The following XRN1 variants were observed in gnomAD, a reference collection of about 807,000 sequenced individuals.
The protein encoded by XRN1 is strand-exchange protein 1 homolog.
In XRN1, 67 loss-of-function variants were observed where a neutral mutation model predicts 222.3. The observed-to-expected ratio is 0.30, with a 90% CI of 0.25 to 0.37. The LOEUF (loss-of-function observed/expected upper bound fraction) is 0.37, where lower values mean the gene tolerates loss of function less well. Ranked by LOEUF, XRN1 falls within the 10% of genes least tolerant of loss-of-function variation. XRN1 has a pLI of 1.00. For missense variants in XRN1, 1,707 were observed against 2,000.2 expected, an observed-to-expected ratio of 0.85 and a Z score of 2.80; for synonymous variants, 643 against 652.4, an observed-to-expected ratio of 0.99 and a Z score of 0.22.
chr3:142,356,381 TA>T (rs2066465742), intron 31 of XRN1, among the ~76,000 whole-genome samples: 1 of 152,110 alleles, frequency 6.6e-6, no homozygotes, highest in Non-Finnish European at 1.5e-5. Context: ...CTATTTGGGT[TA>T]AAAAAACGTA....
Position 142,403,757 on chromosome 3 carries a change from T to G in XRN1, c.2020A>C (p.Ser674Arg), listed in dbSNP as rs35214510. The G allele has an allele frequency of 6.2e-7, 1 of 1,612,768 alleles. No homozygotes were observed. The highest frequency in any genetic ancestry group is 1.3e-5 in the African/African-American group (1 of 74,882). Reference sequence around the variant, plus strand: ...CTTTGCTGGAATACTTGAACACCACTTTTCTTCAAAAAAAACTTTAAAAGA... The same window carrying G: ...CTTTGCTGGAATACTTGAACACCACGTTTCTTCAAAAAAAACTTTAAAAGA... ...HIRHKFFLKK[S>R]GVQVFQQSSR... Residue 674 changes from serine (S) to arginine (R), a missense_variant, in exon 18 of 41, where the codon AGT becomes CGT. Ser to Arg is a moderately radical substitution (Grantham distance 110, BLOSUM62 -1). Transcript: ENST00000392981.
chr3:142,378,528 C>A (rs2107919448), intron 23 of XRN1, among the ~76,000 whole-genome samples: 1 of 151,954 alleles, frequency 6.6e-6, no homozygotes, highest in Admixed American at 6.5e-5. Flanking sequence ...ATGATTAAAT[C>A]AAATAGAAAT....
At chr3:142,375,286 G>A (rs564559626) in intron 25 of XRN1, among the ~76,000 whole-genome samples, 1 of 152,330 alleles carries the variant, frequency 6.6e-6, no homozygotes, top group South Asian at 2.1e-4. Flanking sequence ...TGAATCAGAT[G>A]TAAATATACT....
At chr3:142,362,285 G>C (rs1201838710) in intron 29 of XRN1, among the ~76,000 whole-genome samples, 1 of 152,022 alleles carries the variant, frequency 6.6e-6, no homozygotes, top group African/African-American at 2.4e-5. Flanking sequence ...TTACAGGCAT[G>C]CACCACCATG....
intron 39 of XRN1, chr3:142,313,032 A>G: frequency 7.6e-7 from 1 of 1,309,760 alleles, no homozygotes. Context: ...TACAAGTTTT[A>G]GGAATATTTG....
At chr3:142,374,925 T>G (rs1042715063) in intron 25 of XRN1, among the ~76,000 whole-genome samples, 2 of 151,972 alleles carry the variant, frequency 1.3e-5, no homozygotes, top group African/African-American at 2.4e-5. Context: ...AAGGGGAAAT[T>G]AGGACACAGA....
chr3:142,443,151 G>A (rs2070317776), intron 1 of XRN1, among the ~76,000 whole-genome samples: 2 of 152,126 alleles, frequency 1.3e-5, no homozygotes, highest in Admixed American at 1.3e-4. Context: ...GATCTACCGC[G>A]GACCCCTGGA....
chr3:142,431,441 G>T (rs974277067), intron 2 of XRN1, among the ~76,000 whole-genome samples: 4 of 152,102 alleles, frequency 2.6e-5, no homozygotes, highest in African/African-American at 9.7e-5. Flanking sequence ...AGCACTTTGG[G>T]AGGCCAAGGT....
chr3:142,422,974 A>G (rs1399562222), intron 6 of XRN1, 52 bp from the exon 7 acceptor site: 1 of 1,414,694 alleles, frequency 7.1e-7, no homozygotes, highest in East Asian at 2.3e-5. Flanking sequence ...TTAAGGTCCC[A>G]GCTTAAAAAT....
At chr3:142,383,777 A>G (rs922896962) in intron 21 of XRN1, among the ~76,000 whole-genome samples, 5 of 152,214 alleles carry the variant, frequency 3.3e-5, no homozygotes, top group African/African-American at 7.2e-5. Context: ...ACACTGTACT[A>G]TAACACCCCA....
At chr3:142,350,175 G>C (rs2066263563) in intron 32 of XRN1, among the ~76,000 whole-genome samples, 2 of 152,152 alleles carry the variant, frequency 1.3e-5, no homozygotes, top group South Asian at 4.1e-4. Context: ...CAACCCTGGA[G>C]CTGTATATAT....
At chr3:142,441,396 A>G (rs993640854) in intron 1 of XRN1, among the ~76,000 whole-genome samples, 1 of 152,250 alleles carries the variant, frequency 6.6e-6, no homozygotes, top group South Asian at 2.1e-4. Context: ...CCCAAGCCCC[A>G]GTGTTAAGCT....
At position 142,404,725 on chromosome 3, in the gene XRN1, T is replaced by A. The variant is rs139657424; in HGVS notation, c.1883+182A>T. On this transcript the variant is annotated intron_variant, in intron 16 of 40. Coordinates refer to ENST00000392981, the MANE Select transcript of XRN1 (RefSeq NM_001282857.2). ...CAAAGTAGAGAATTATAGACACAAG[T>A]GTGAAAGATCCTTAGATCCTCTGCA... is the stretch of plus-strand genomic sequence containing the variant. 3.4e-4 allele frequency among the ~76,000 whole-genome samples: 52 copies of A among 152,270 alleles called. No individual in the cohort carries two copies. In the East Asian group the frequency reaches 9.4e-3, roughly 28 times the overall value.
At chr3:142,385,134 G>T (rs925791275) in intron 20 of XRN1, among the ~76,000 whole-genome samples, 3 of 151,956 alleles carry the variant, frequency 2.0e-5, no homozygotes, top group East Asian at 1.9e-4. Context: ...CAACCCCCCC[G>T]GATTGGAAAC....
intron 37 of XRN1, among the ~76,000 whole-genome samples, chr3:142,322,674 C>T (rs1257632584): frequency 2.0e-5 from 3 of 150,708 alleles, no homozygotes; most frequent in Non-Finnish European, 4.4e-5. Context: ...AGGTTCTGTC[C>T]CCAAACAAAC....
intron 12 of XRN1, chr3:142,417,965 T>A (rs2068850382): frequency 6.6e-6 from 1 of 152,382 alleles, no homozygotes; most frequent in Non-Finnish European, 1.5e-5. Flanking sequence ...CCATCACTTT[T>A]ACATTTTTAG....
At chr3:142,424,388 G>A (rs1372299108) in intron 5 of XRN1, among the ~76,000 whole-genome samples, 5 of 152,126 alleles carry the variant, frequency 3.3e-5, no homozygotes, top group Admixed American at 6.6e-5. Flanking sequence ...GAGCCACCTT[G>A]CCCGGCCTCT....
At chr3:142,328,623 A>C (rs1192410078) in intron 37 of XRN1, among the ~76,000 whole-genome samples, 2 of 147,558 alleles carry the variant, frequency 1.4e-5, no homozygotes, top group South Asian at 2.1e-4. Context: ...TGTTGGATGA[A>C]ATGTTCTACA....
At chr3:142,373,152 G>C (rs2067036020) in intron 25 of XRN1, among the ~76,000 whole-genome samples, 1 of 152,060 alleles carries the variant, frequency 6.6e-6, no homozygotes, top group South Asian at 2.1e-4. Flanking sequence ...TATCTTCAGA[G>C]AAATAAATGA....
Sources: allele counts gnomAD v4.1 joint callset (sites outside exome capture counted in the v4.1 genomes callset), GRCh38; gene constraint gnomAD v4.1.1; transcripts MANE v1.5; gene names NCBI Gene and HGNC (gene_info 2026-07-23, HGNC 2026-07-21).